The following AXIN2 variants were observed in gnomAD, a reference collection of about 807,000 sequenced individuals.
The protein encoded by AXIN2 is axin 2.
A neutral mutation model predicts 74.7 loss-of-function variants in AXIN2; 21 were observed. The ratio of observed to expected loss-of-function variants is 0.28; its 90% CI spans 0.20 to 0.40. AXIN2 has a LOEUF of 0.40. AXIN2 is among the 10% of genes least tolerant of loss of function. The pLI is 1.00. For synonymous variants in AXIN2, 532 were observed against 454.9 expected, an observed-to-expected ratio of 1.17 and a Z score of -2.16; for missense variants, 1,144 against 1,111.1, an observed-to-expected ratio of 1.03 and a Z score of -0.42.
rs2043920614 is a variant in AXIN2, at chr17:65,536,504, G to C, written c.1957C>G (p.Pro653Ala). The change falls in exon 8 of 11, where the codon CCA (proline) becomes GCA (alanine). Residue 653 changes from proline (P) to alanine (A), a missense_variant. Pro to Ala is a conservative substitution (Grantham distance 27, BLOSUM62 -1). This residue lies in a region of AXIN2 where 1,053 missense variants were observed against 973.5 expected (regional missense o/e 1.08). Transcript: ENST00000307078. The part of the protein sequence containing the change: ...AYPLESARSS[P>A]GERASRHHLW... ...TGGTGCCGGCTGGCTCGTTCGCCTG[G>C]AGACGAGCGGGCAGACTCCAAGGGG... The C allele has an allele frequency of 6.2e-7, 1 of 1,613,866 alleles. No homozygotes were observed. The highest frequency in any genetic ancestry group is 8.5e-7 in the Non-Finnish European group (1 of 1,180,020).
chr17:65,536,157 T>C (rs1051826292), intron 8 of AXIN2, among the ~76,000 whole-genome samples, 163 bp downstream of exon 8: 1 of 152,234 alleles, frequency 6.6e-6, no homozygotes, highest in African/African-American at 2.4e-5. Flanking sequence ...GAACAATTTC[T>C]AGAAGCTGGA....
chr17:65,560,839 C>G (rs1445336732), intron 1 of AXIN2: 1 of 150,584 alleles, frequency 6.6e-6, no homozygotes, highest in Non-Finnish European at 1.5e-5. Flanking sequence ...GATCCCCGCG[C>G]GCGCTCGGCG....
At position 65,528,860 on chromosome 17, in the gene AXIN2, GA is replaced by G. The variant is rs2043770364; in HGVS notation, c.*1115del. On this transcript the variant is annotated 3_prime_UTR_variant, in exon 11 of 11. Coordinates refer to ENST00000307078, the MANE Select transcript of AXIN2 (RefSeq NM_004655.4). ...TACTGATTTAAAGTCAAGCACTAGA[GA>G]TAGTGGATTAATACTCTTTTGCCGT... 1 of 400,654 alleles carries G rather than the reference GA, an allele frequency of 2.5e-6. No individual in the cohort carries two copies. The allele number at this position is 400,654 out of a possible 1,614,324, so 24.8% of individuals were successfully genotyped here.
chr17:65,538,501 C>T (rs2043985276), intron 4 of AXIN2, among the ~76,000 whole-genome samples, 158 bp from the exon 5 acceptor site: 1 of 151,828 alleles, frequency 6.6e-6, no homozygotes, highest in Non-Finnish European at 1.5e-5. Context: ...GACTTTTATG[C>T]GCTAGCGCCA....
intron 3 of AXIN2, among the ~76,000 whole-genome samples, chr17:65,548,406 T>C (rs1350002337): frequency 2.6e-5 from 4 of 152,170 alleles, no homozygotes; most frequent in African/African-American, 7.2e-5. Flanking sequence ...ACTGGAATAA[T>C]AGATGGTCCA....
At position 65,537,046 on chromosome 17, in the gene AXIN2, G is replaced by T. The variant is rs760939811; in HGVS notation, c.1730C>A (p.Thr577Asn). 6.2e-7 allele frequency: 1 copy of T among 1,607,106 alleles called. No homozygotes were observed. Among genetic ancestry groups the T allele is most frequent in the Admixed American group, 1.7e-5 (1 of 59,876 alleles). ...SEQFGGSRGS[T>N]LPKRNGKGTE... ...GCCTTTCCCATTGCGTTTGGGCAAGGTACTGCCTCTGCTGCCGCTGTGGGG... is the reference window on the plus strand; with the variant it reads ...GCCTTTCCCATTGCGTTTGGGCAAGTTACTGCCTCTGCTGCCGCTGTGGGG... Residue 577 changes from threonine (T) to asparagine (N), a missense_variant, in exon 7 of 11, where the codon ACC becomes AAC. This residue lies in a region of AXIN2 where 1,053 missense variants were observed against 973.5 expected (regional missense o/e 1.08). Coordinates refer to ENST00000307078, the MANE Select transcript of AXIN2 (RefSeq NM_004655.4).
chr17:65,533,829 T>G, intron 10 of AXIN2, 83 bp downstream of exon 10: 2 of 671,464 alleles, frequency 3.0e-6, no homozygotes, highest in Non-Finnish European at 4.9e-6. Context: ...CTAGGTCTGC[T>G]CAGCCAGGGG....
rs900138742 is a variant in AXIN2 at position 65,537,416 on chromosome 17, G to C, written c.1620C>G (p.His540Gln). ...ACTCGCTGCCCCCAGGGCAGAAGCA[G>C]TGCACCCGCTGCGTGGCCTCCGCCT... ...EIEAEATQRV[H>Q]CFCPGGSEYY... Residue 540 changes from histidine (H) to glutamine (Q), a missense_variant, in exon 6 of 11, where the codon CAC becomes CAG. Physicochemically the swap from His to Gln is conservative, Grantham distance 24. Around this residue, in one of 4 missense-constraint regions of AXIN2, gnomAD observed 1,053 missense variants for 973.5 expected, o/e 1.08. Transcript: ENST00000307078. 1.2e-6 allele frequency: 2 copies of C among 1,614,104 alleles called. No homozygotes were observed. The highest frequency in any genetic ancestry group is 2.2e-5 in the South Asian group (2 of 91,086).
chr17:65,545,679 C>T (rs1388905557), intron 3 of AXIN2, among the ~76,000 whole-genome samples: 2 of 152,130 alleles, frequency 1.3e-5, no homozygotes, highest in African/African-American at 4.8e-5. Flanking sequence ...CCATTTCTTC[C>T]GAGAATGCAG....
rs765015663 is a variant in AXIN2 at position 65,537,790 on chromosome 17, C to A, written c.1246G>T (p.Gly416Trp). 1 of 1,588,636 alleles carries A rather than the reference C, an allele frequency of 6.3e-7. No homozygotes were observed. The highest frequency in any genetic ancestry group is 1.1e-5 in the South Asian group (1 of 87,278). ...GAGAGGGGGTGCTGCGTGGGCGCCCCCTCCCGCGAATTGAGTGTGAGCTCG... is the reference window on the plus strand; with the variant it reads ...GAGAGGGGGTGCTGCGTGGGCGCCCACTCCCGCGAATTGAGTGTGAGCTCG... ...GSELTLNSREGAPTQHPLSLL... is the reference protein window; with the variant it reads ...GSELTLNSREWAPTQHPLSLL... Residue 416 changes from glycine (G) to tryptophan (W), a missense_variant, in exon 6 of 11, where the codon GGG becomes TGG. Transcript: ENST00000307078.
At chr17:65,546,529 T>G (rs997872101) in intron 3 of AXIN2, among the ~76,000 whole-genome samples, 1 of 152,108 alleles carries the variant, frequency 6.6e-6, no homozygotes, top group African/African-American at 2.4e-5. Context: ...CAATGGCAGC[T>G]TGAGTCAGTG....
intron 1 of AXIN2, chr17:65,560,972 G>A (rs1458746210): frequency 6.7e-6 from 1 of 148,826 alleles, no homozygotes; most frequent in Non-Finnish European, 1.5e-5. Flanking sequence ...TCGTGCGGCG[G>A]GGGAGGGGGT....
chr17:65,537,635 CG>C lies in AXIN2; in HGVS notation c.1400del (p.Pro467ArgfsTer40). 6.3e-7 allele frequency: 1 copy of C among 1,585,054 alleles called. No homozygotes were observed. The stretch of plus-strand genomic sequence containing the variant: ...GCGAATGGTGGTGGTGGTGGTGGTC[CG>C]GGGAGCGGGAGCGGGGGCTATAGCG... ...VGRYSPRSRS[P>X]DHHHHHHSQY... On this transcript the variant is annotated frameshift_variant, in exon 6 of 11. Coordinates refer to ENST00000307078, the MANE Select transcript of AXIN2 (RefSeq NM_004655.4). LOFTEE classifies it high-confidence loss of function.
intron 9 of AXIN2, 57 bp from the exon 10 acceptor site, chr17:65,534,136 A>G: frequency 2.5e-6 from 4 of 1,597,168 alleles, no homozygotes; most frequent in Non-Finnish European, 3.4e-6. Flanking sequence ...ACACATCTAA[A>G]GCAAACACAC....
At position 65,537,638 on chromosome 17, in the gene AXIN2, G is replaced by C. The variant is rs760282693; in HGVS notation, c.1398C>G (p.Ser466=). ...AATGGTGGTGGTGGTGGTGGTCCGGGGAGCGGGAGCGGGGGCTATAGCGGC... is the reference window on the plus strand; with the variant it reads ...AATGGTGGTGGTGGTGGTGGTCCGGCGAGCGGGAGCGGGGGCTATAGCGGC... The part of the protein sequence containing the change: ...GVGRYSPRSR[S]PDHHHHHHSQ... The change falls in exon 6 of 11, where the codon TCC becomes TCG. Residue 466 remains serine, a synonymous_variant. Transcript: ENST00000307078. 1.3e-6 allele frequency: 2 copies of C among 1,579,932 alleles called. No individual in the cohort carries two copies. The highest frequency in any genetic ancestry group is 1.7e-6 in the Non-Finnish European group (2 of 1,165,412).
chr17:65,550,623 C>T (rs762421873), intron 2 of AXIN2, among the ~76,000 whole-genome samples: 2 of 152,144 alleles, frequency 1.3e-5, no homozygotes, highest in Non-Finnish European at 2.9e-5. Flanking sequence ...ACTGGTCCCA[C>T]CAAGTCTATG....
intron 1 of AXIN2, among the ~76,000 whole-genome samples, chr17:65,559,714 C>G (rs568048300): frequency 6.6e-6 from 1 of 152,334 alleles, no homozygotes; most frequent in Admixed American, 6.5e-5. Flanking sequence ...AGAAAAAAGT[C>G]TTATCTAACC....
chr17:65,554,735 A>AG (rs796944859), intron 2 of AXIN2, among the ~76,000 whole-genome samples: 8 of 152,348 alleles, frequency 5.3e-5, no homozygotes, highest in African/African-American at 1.7e-4. Context: ...AGGCCAGAGC[A>AG]GAGGGCCCAA....
At chr17:65,535,558 C>T in intron 9 of AXIN2, 68 bp downstream of exon 9, 7 of 1,479,362 alleles carry the variant, frequency 4.7e-6, no homozygotes, top group Non-Finnish European at 6.6e-6. Flanking sequence ...AATGAAACTC[C>T]AGATAGCGAA....
Sources: allele counts gnomAD v4.1 joint callset (sites outside exome capture counted in the v4.1 genomes callset), GRCh38; gene constraint gnomAD v4.1.1; regional missense constraint gnomAD v4.1.1; transcripts MANE v1.5; gene names NCBI Gene and HGNC (gene_info 2026-07-23, HGNC 2026-07-21).